EXOC5: variants seen among roughly 807,000 people sequenced by gnomAD.
EXOC5 encodes exocyst complex component 5, also known as SEC10-like 1.
EXOC5 carries 17 observed loss-of-function variants against 90.8 expected under a neutral mutation model. That is an observed-to-expected ratio of 0.19 (90% CI 0.13 to 0.28). The LOEUF is 0.28. Ranked by LOEUF, EXOC5 falls within the 10% of genes least tolerant of loss-of-function variation. The probability of loss-of-function intolerance (pLI) is 1.00; values close to 1 mark genes in which losing one functional copy is unlikely to be tolerated. For missense variants in EXOC5, 569 were observed against 830.6 expected (o/e 0.69, Z 3.87); for synonymous variants, 260 against 270.0 (o/e 0.96, Z 0.36).
chr14:57,256,072 G>A (rs1346009259), intron 1 of EXOC5, among the ~76,000 whole-genome samples: 4 of 152,038 alleles, frequency 2.6e-5, no homozygotes, highest in African/African-American at 9.7e-5. Flanking sequence ...TTTTGCCTAC[G>A]AACATAGTAA....
At chr14:57,213,808 A>C (rs886788102) in intron 15 of EXOC5, among the ~76,000 whole-genome samples, 1 of 151,698 alleles carries the variant, frequency 6.6e-6, no homozygotes, top group African/African-American at 2.4e-5. Context: ...GTCTCCACTA[A>C]ACATACAAAA....
At chr14:57,263,707 G>A (rs1191150536) in intron 1 of EXOC5, among the ~76,000 whole-genome samples, 1 of 138,204 alleles carries the variant, frequency 7.2e-6, no homozygotes, top group Non-Finnish European at 1.5e-5. Flanking sequence ...AGAGGTTACA[G>A]TGAGCTGAGA....
At chr14:57,248,199 C>T (rs755795493) in intron 1 of EXOC5, among the ~76,000 whole-genome samples, 2 of 151,262 alleles carry the variant, frequency 1.3e-5, no homozygotes, top group Non-Finnish European at 2.9e-5. Context: ...TTTTGGAGGC[C>T]AGCGGGTAAG....
intron 11 of EXOC5, among the ~76,000 whole-genome samples, chr14:57,230,543 C>G (rs1189726778): frequency 1.3e-5 from 2 of 152,074 alleles, no homozygotes; most frequent in Non-Finnish European, 1.5e-5. Flanking sequence ...TTAACTCTCT[C>G]TAATCATTAT....
At position 57,201,205 on chromosome 14, in the gene EXOC5, A is replaced by G. The variant is rs567219346; in HGVS notation, c.*7404T>C. ...GAATGGCTGATTCCAGAGCTGGGGC[A>G]AGGCAAGTACAAGATGACCTTGGAA... On this transcript the variant is annotated 3_prime_UTR_variant, in exon 18 of 18. Coordinates refer to ENST00000621441, the MANE Select transcript of EXOC5 (RefSeq NM_006544.4). 6.6e-6 allele frequency: 1 copy of G among 152,222 alleles called. No homozygotes were observed. The highest frequency in any genetic ancestry group is 2.4e-5 in the African/African-American group (1 of 41,534). 9.4% of individuals were successfully genotyped at this position (152,222 alleles called of 1,614,324 possible). A position where few individuals can be genotyped will look rare whatever the true frequency, so the allele number is the denominator to read the frequency against.
In EXOC5 at chr14:57,222,295, CA is replaced by C; in HGVS notation, c.1405+12del. 6.1e-6 allele frequency: 8 copies of C among 1,315,758 alleles called. No individual in the cohort carries two copies. Among genetic ancestry groups the C allele is most frequent in the Non-Finnish European group, 8.6e-6 (8 of 928,972 alleles). The allele number at this position is 1,315,758 out of a possible 1,614,324, so 81.5% of individuals were successfully genotyped here. A position where few individuals can be genotyped will look rare whatever the true frequency, so the allele number is the denominator to read the frequency against. On this transcript the variant is annotated intron_variant, in intron 13 of 17. Transcript: ENST00000621441. Reference sequence around the variant, plus strand: ...AAAAGAATTTAACACAAGTGTAACACAAATATACTTACCAGCAAGTCCTGTT... The same window carrying C: ...AAAAGAATTTAACACAAGTGTAACACAATATACTTACCAGCAAGTCCTGTT...
rs1882562142 is a variant in EXOC5 at position 57,203,591 on chromosome 14, TC to T, written c.*5017del. On this transcript the variant is annotated 3_prime_UTR_variant, in exon 18 of 18. Transcript: ENST00000621441. Reference sequence around the variant, plus strand: ...AGCTTTCTTATTCCAGGTTCCTACTTCCTTCCTTAACCCTCCATATTTCCTC... The same window carrying T: ...AGCTTTCTTATTCCAGGTTCCTACTTCTTCCTTAACCCTCCATATTTCCTC... The T allele has an allele frequency of 6.6e-6, 1 of 152,616 alleles. No homozygotes were observed. The allele number at this position is 152,616 out of a possible 1,614,324, so 9.5% of individuals were successfully genotyped here. A position where few individuals can be genotyped will look rare whatever the true frequency, so the allele number is the denominator to read the frequency against.
intron 1 of EXOC5, among the ~76,000 whole-genome samples, chr14:57,253,499 A>C (rs1884251624): frequency 6.6e-6 from 1 of 152,246 alleles, no homozygotes; most frequent in Admixed American, 6.5e-5. Context: ...ATCCTTGTGA[A>C]TATCCCAATG....
At chr14:57,221,995 C>CA (rs778252958) in intron 13 of EXOC5, among the ~76,000 whole-genome samples, 6 of 152,100 alleles carry the variant, frequency 3.9e-5, no homozygotes, top group Admixed American at 1.3e-4. Flanking sequence ...CTCAATTCCC[C>CA]AATCAGAATT....
At chr14:57,209,379 T>TA (rs1355885079) in intron 17 of EXOC5, among the ~76,000 whole-genome samples, 188 bp downstream of exon 17, 2 of 151,672 alleles carry the variant, frequency 1.3e-5, no homozygotes, top group Non-Finnish European at 2.9e-5. Context: ...AATAAAAATT[T>TA]AAAATTTAAA....
rs941776064 is a variant in EXOC5 at position 57,201,713 on chromosome 14, C to T, written c.*6896G>A. On this transcript the variant is annotated 3_prime_UTR_variant, in exon 18 of 18. Coordinates refer to ENST00000621441, the MANE Select transcript of EXOC5 (RefSeq NM_006544.4). ...CAGCCTGACCAACACGGCAAAACCCCATTTCTACTACAAATAGAAAAATTG... is the reference window on the plus strand; with the variant it reads ...CAGCCTGACCAACACGGCAAAACCCTATTTCTACTACAAATAGAAAAATTG... The T allele has an allele frequency of 2.0e-5, 3 of 151,220 alleles. No homozygotes were observed. The highest frequency in any genetic ancestry group is 2.0e-4 in the Admixed American group (3 of 15,154). The allele number at this position is 151,220 out of a possible 1,614,324, so 9.4% of individuals were successfully genotyped here.
At chr14:57,262,538 ATGTGTGTG>A (rs55879618) in intron 1 of EXOC5, among the ~76,000 whole-genome samples, 54 of 143,836 alleles carry the variant, frequency 3.8e-4, no homozygotes, top group African/African-American at 1.2e-3. Context: ...GTAAATACAT[ATGTGTGTG>A]TGTGTGTGTG....
chr14:57,230,607 G>A (rs1255872201), intron 11 of EXOC5, among the ~76,000 whole-genome samples: 1 of 152,110 alleles, frequency 6.6e-6, no homozygotes, highest in Non-Finnish European at 1.5e-5. Flanking sequence ...TATACATGTG[G>A]GGATTCTGGA....
chr14:57,235,906 A>G, intron 6 of EXOC5, 86 bp from the exon 7 acceptor site: 1 of 704,608 alleles, frequency 1.4e-6, no homozygotes, highest in African/African-American at 1.8e-5. Flanking sequence ...AAATATAATG[A>G]CTATGAATAT....
intron 3 of EXOC5, among the ~76,000 whole-genome samples, chr14:57,246,239 C>G (rs1328441163): frequency 1.3e-5 from 2 of 152,154 alleles, no homozygotes; most frequent in African/African-American, 2.4e-5. Flanking sequence ...CACTAGAATT[C>G]TCATTGGAGC....
chr14:57,235,746 T>G lies in EXOC5; in HGVS notation c.634A>C (p.Met212Leu), dbSNP rs1883637193. ...AGTAAAACTGCTGCTACTTCTCTCA[T>G]TCTGGAGATTTCACCTCTTCTTTGA... The part of the protein sequence containing the change: ...SAQRRGEISR[M>L]REVAAVLLHF... The change falls in exon 7 of 18, where the codon ATG becomes CTG. Residue 212 changes from methionine to leucine, a missense_variant. Transcript: ENST00000621441. The G allele has an allele frequency of 6.4e-7, 1 of 1,553,868 alleles. No individual in the cohort carries two copies. The highest frequency in any genetic ancestry group is 8.7e-7 in the Non-Finnish European group (1 of 1,145,550).
chr14:57,249,606 G>C (rs974567296), intron 1 of EXOC5, among the ~76,000 whole-genome samples: 12 of 151,538 alleles, frequency 7.9e-5, no homozygotes, highest in African/African-American at 2.9e-4. Flanking sequence ...TAAATATCCA[G>C]GAAATAGTAA....
At chr14:57,235,375 G>A (rs1883625299) in intron 7 of EXOC5, among the ~76,000 whole-genome samples, 2 of 151,934 alleles carry the variant, frequency 1.3e-5, no homozygotes, top group South Asian at 4.2e-4. Context: ...GATATTTACG[G>A]TCACGTTTTC....
chr14:57,231,144 G>T (rs918102359), intron 11 of EXOC5, among the ~76,000 whole-genome samples: 3 of 151,914 alleles, frequency 2.0e-5, no homozygotes, highest in African/African-American at 7.3e-5. Flanking sequence ...TAATGGCTGG[G>T]ATTACAGGTG....
Sources: allele counts gnomAD v4.1 joint callset (sites outside exome capture counted in the v4.1 genomes callset), GRCh38; gene constraint gnomAD v4.1.1; transcripts MANE v1.5; gene names NCBI Gene and HGNC (gene_info 2026-07-23, HGNC 2026-07-21).